Variants in C1orf94 observed in about 807,000 individuals in gnomAD.
The protein encoded by C1orf94 is chromosome 1 open reading frame 94.
In C1orf94, 45 loss-of-function variants were observed where a neutral mutation model predicts 53.6. That is an observed-to-expected ratio of 0.84 (90% CI 0.66 to 1.08). C1orf94 has a LOEUF of 1.08. Ranked by LOEUF, C1orf94 falls within the 50% of genes least tolerant of loss-of-function variation. C1orf94 has a pLI of 0.00. For synonymous variants in C1orf94, 304 were observed against 296.1 expected (o/e 1.03, Z -0.27); for missense variants, 762 against 738.9 (o/e 1.03, Z -0.36).
Position 34,188,756 on chromosome 1 carries a change from G to A in C1orf94, c.321-8469G>A, listed in dbSNP as rs149460879. Among the ~76,000 whole-genome samples, 891 of 152,290 alleles carry A rather than the reference G, an allele frequency of 5.9e-3. 13 individuals are homozygous for A. The highest frequency in any genetic ancestry group is 0.04 in the South Asian group (195 of 4,818). On this transcript the variant is annotated intron_variant, in intron 1 of 6. Coordinates refer to ENST00000488417, the MANE Select transcript of C1orf94 (RefSeq NM_001134734.2). Reference sequence around the variant, plus strand: ...GAGGGCTGGGGGTGGGGAGGCCAAAGCTTTCTCCAGCCCTAAGCTTAGTCC... The same window carrying A: ...GAGGGCTGGGGGTGGGGAGGCCAAAACTTTCTCCAGCCCTAAGCTTAGTCC...
At chr1:34,168,484 C>T (rs972711983) in intron 1 of C1orf94, among the ~76,000 whole-genome samples, 2 of 151,756 alleles carry the variant, frequency 1.3e-5, no homozygotes, top group Non-Finnish European at 2.9e-5. Context: ...TAGGGGATGG[C>T]GAGGAGTTTG....
At chr1:34,212,521 G>A (rs1469414719) in intron 6 of C1orf94, 115 bp downstream of exon 6, 2 of 1,082,772 alleles carry the variant, frequency 1.8e-6, no homozygotes, top group Non-Finnish European at 2.6e-6. Context: ...GCTGTGGGGT[G>A]GGATGGGCCC....
chr1:34,167,760 G>T (rs1224037743), intron 1 of C1orf94, among the ~76,000 whole-genome samples: 1 of 152,128 alleles, frequency 6.6e-6, no homozygotes, highest in Non-Finnish European at 1.5e-5. Context: ...CATGACTGAA[G>T]AACCGGCATG....
At chr1:34,204,402 TGG>T (rs1642761792) in intron 4 of C1orf94, among the ~76,000 whole-genome samples, 2 of 152,154 alleles carry the variant, frequency 1.3e-5, no homozygotes, top group Non-Finnish European at 2.9e-5. Context: ...CACCCCATTG[TGG>T]AGGTGAGAGG....
chr1:34,200,744 C>T (rs779337104), intron 2 of C1orf94, 28 bp from the exon 3 acceptor site: 62 of 1,612,856 alleles, frequency 3.8e-5, no homozygotes, highest in Non-Finnish European at 4.5e-5. Flanking sequence ...CTTCCAGAGG[C>T]ATTGACTCAG....
chr1:34,187,296 C>T (rs901843164), intron 1 of C1orf94, among the ~76,000 whole-genome samples: 2 of 152,098 alleles, frequency 1.3e-5, no homozygotes, highest in African/African-American at 4.8e-5. Context: ...AAGCAGAGCA[C>T]GGATAAGAGT....
chr1:34,187,534 C>T (rs1291657469), intron 1 of C1orf94, among the ~76,000 whole-genome samples: 4 of 151,804 alleles, frequency 2.6e-5, no homozygotes, highest in Non-Finnish European at 5.9e-5. Flanking sequence ...GTTTAATCCC[C>T]TTTTTAATAT....
At chr1:34,212,127 G>A in intron 5 of C1orf94, 83 bp from the exon 6 acceptor site, 2 of 1,282,812 alleles carry the variant, frequency 1.6e-6, no homozygotes, top group East Asian at 2.5e-5. Context: ...GGAGCACAGG[G>A]GCTGAGACTG....
In C1orf94 at chr1:34,200,963, G is replaced by C. The variant is rs914064876; in HGVS notation, c.1201G>C (p.Ala401Pro). Reference sequence around the variant, plus strand: ...GAACTTGCTCTATGAGTTCCTTGGGGCCACCAAGAACCCAAGCGGGCAGCC... The same window carrying C: ...GAACTTGCTCTATGAGTTCCTTGGGCCCACCAAGAACCCAAGCGGGCAGCC... ...EKNLLYEFLGATKNPSGQPRL... is the reference protein window; with the variant it reads ...EKNLLYEFLGPTKNPSGQPRL... The change falls in exon 3 of 7, where the codon GCC (alanine) becomes CCC (proline). Residue 401 changes from alanine to proline, a missense_variant. Ala to Pro is a conservative substitution (Grantham distance 27). Coordinates refer to ENST00000488417, the MANE Select transcript of C1orf94 (RefSeq NM_001134734.2). 11 of 1,613,914 alleles carry C rather than the reference G, an allele frequency of 6.8e-6. No homozygotes were observed. Among genetic ancestry groups the C allele is most frequent in the Non-Finnish European group, 9.3e-6 (11 of 1,179,924 alleles).
chr1:34,204,355 A>G (rs1268852220), intron 4 of C1orf94, among the ~76,000 whole-genome samples: 1 of 152,158 alleles, frequency 6.6e-6, no homozygotes, highest in East Asian at 1.9e-4. Context: ...GCTAAAGAGA[A>G]CAAGTACCCG....
upstream of C1orf94, among the ~76,000 whole-genome samples, chr1:34,174,878 G>A (rs924558211): frequency 1.3e-5 from 2 of 152,204 alleles, no homozygotes; most frequent in Non-Finnish European, 2.9e-5. Context: ...CAGGGACTCT[G>A]GTTCCCGAGA....
At chr1:34,215,877 G>A (rs1451351264) in intron 6 of C1orf94, among the ~76,000 whole-genome samples, 3 of 152,066 alleles carry the variant, frequency 2.0e-5, no homozygotes, top group African/African-American at 7.2e-5. Context: ...ATAATCGTGG[G>A]TGCCTATAAT....
At chr1:34,213,103 A>G (rs929247098) in intron 6 of C1orf94, among the ~76,000 whole-genome samples, 1 of 152,172 alleles carries the variant, frequency 6.6e-6, no homozygotes, top group Non-Finnish European at 1.5e-5. Flanking sequence ...TTCCACTAAT[A>G]TGGATGCTCC....
At chr1:34,179,636 T>C (rs1206693418) in intron 1 of C1orf94, among the ~76,000 whole-genome samples, 1 of 152,214 alleles carries the variant, frequency 6.6e-6, no homozygotes, top group Non-Finnish European at 1.5e-5. Flanking sequence ...TACCTCAGAG[T>C]TGATAATGAG....
At chr1:34,196,643 G>A (rs1321007691) in intron 1 of C1orf94, among the ~76,000 whole-genome samples, 1 of 152,170 alleles carries the variant, frequency 6.6e-6, no homozygotes, top group African/African-American at 2.4e-5. Flanking sequence ...AATGAGAGGA[G>A]GAGACAGAAT....
chr1:34,208,481 TA>T (rs923862721), intron 5 of C1orf94, among the ~76,000 whole-genome samples: 2 of 152,214 alleles, frequency 1.3e-5, no homozygotes, highest in African/African-American at 2.4e-5. Flanking sequence ...GTGTCTGCAC[TA>T]ACTAATTTAG....
At chr1:34,190,712 C>G (rs981698814) in intron 1 of C1orf94, among the ~76,000 whole-genome samples, 3 of 152,200 alleles carry the variant, frequency 2.0e-5, no homozygotes, top group Admixed American at 6.5e-5. Flanking sequence ...GAGATTGCCT[C>G]AGATCACTGG....
chr1:34,191,344 T>C (rs1367135518), intron 1 of C1orf94, among the ~76,000 whole-genome samples: 1 of 152,198 alleles, frequency 6.6e-6, no homozygotes, highest in African/African-American at 2.4e-5. Flanking sequence ...GCCCTTCTTA[T>C]TATTTTGTGA....
chr1:34,181,165 G>A (rs1026707294), intron 1 of C1orf94, among the ~76,000 whole-genome samples: 2 of 151,796 alleles, frequency 1.3e-5, no homozygotes, highest in Admixed American at 6.6e-5. Context: ...TTTTTCTTTC[G>A]ATACCCCTTT....
Sources: gnomAD v4.1 joint callset for allele counts (sites outside exome capture counted in the v4.1 genomes callset) on GRCh38, gnomAD v4.1.1 for gene constraint, MANE v1.5 for transcripts, NCBI Gene and HGNC (gene_info 2026-07-23, HGNC 2026-07-21) for gene names.